The following CHD6 variants were observed in gnomAD, a reference collection of about 807,000 sequenced individuals.
CHD6 encodes the protein chromodomain helicase DNA binding protein 6.
A neutral mutation model predicts 276.9 loss-of-function variants in CHD6; 50 were observed. That is an observed-to-expected ratio of 0.18 (90% CI 0.14 to 0.23). The LOEUF (loss-of-function observed/expected upper bound fraction) is 0.23, where lower values mean the gene tolerates loss of function less well. Among genes scored for constraint, CHD6 ranks in the 10% least tolerant of loss-of-function variants. CHD6 has a pLI of 1.00. For missense variants in CHD6, 2,564 were observed against 3,365.8 expected (o/e 0.76, Z 5.89); for synonymous variants, 1,173 against 1,229.3 (o/e 0.95, Z 0.96).
At chr20:41,485,395 A>C (rs2043388863) in intron 14 of CHD6, among the ~76,000 whole-genome samples, 1 of 152,206 alleles carries the variant, frequency 6.6e-6, no homozygotes, top group African/African-American at 2.4e-5. Context: ...AAAACAAAAT[A>C]AGGGAAGATG....
intron 17 of CHD6, among the ~76,000 whole-genome samples, chr20:41,467,783 G>A (rs1320274622): frequency 6.7e-6 from 1 of 149,976 alleles, no homozygotes; most frequent in Non-Finnish European, 1.5e-5. Context: ...TGGGAAAGGG[G>A]TGCTTTTGGG....
chr20:41,551,887 AAAC>A (rs1443426165), intron 1 of CHD6, among the ~76,000 whole-genome samples: 1 of 152,220 alleles, frequency 6.6e-6, no homozygotes, highest in Non-Finnish European at 1.5e-5. Context: ...TTACTTGAAA[AAAC>A]AATTCCATTG....
intron 1 of CHD6, among the ~76,000 whole-genome samples, chr20:41,589,970 C>T (rs1334728004): frequency 6.8e-6 from 1 of 147,388 alleles, no homozygotes; most frequent in Non-Finnish European, 1.5e-5. Flanking sequence ...AACTATACTA[C>T]AAGGCTACAG....
intron 1 of CHD6, among the ~76,000 whole-genome samples, chr20:41,601,857 G>A (rs956287518): frequency 2.4e-4 from 36 of 152,132 alleles, no homozygotes; most frequent in African/African-American, 6.5e-4. Context: ...GCTCTGGGAC[G>A]GGACAGGGAT....
chr20:41,461,778 T>C (rs1038027426), intron 17 of CHD6: 3 of 152,418 alleles, frequency 2.0e-5, no homozygotes, highest in African/African-American at 7.2e-5. Context: ...TCAACAATCC[T>C]GGTCACTTCC....
chr20:41,576,543 G>A (rs989315777), intron 1 of CHD6, among the ~76,000 whole-genome samples: 3 of 152,134 alleles, frequency 2.0e-5, no homozygotes, highest in African/African-American at 7.2e-5. Flanking sequence ...AAATTAGCTG[G>A]GCGTGGTGGC....
At chr20:41,494,079 A>G (rs1211242044) in intron 8 of CHD6, 135 bp from the exon 9 acceptor site, 16 of 618,008 alleles carry the variant, frequency 2.6e-5, no homozygotes, top group Non-Finnish European at 3.7e-5. Context: ...GCTTAAGAAT[A>G]AAAGTCACGG....
chr20:41,461,233 C>T (rs1365371899), intron 17 of CHD6, among the ~76,000 whole-genome samples: 1 of 152,144 alleles, frequency 6.6e-6, no homozygotes, highest in African/African-American at 2.4e-5. Flanking sequence ...TCAGATGAGA[C>T]TTTGGACTGT....
intron 1 of CHD6, chr20:41,614,794 C>T (rs2045920255): frequency 6.6e-6 from 1 of 152,100 alleles, no homozygotes; most frequent in African/African-American, 2.4e-5. Context: ...AACATTTTGG[C>T]AAAGGAAAAA....
chr20:41,423,668 C>T lies in CHD6; in HGVS notation c.4379G>A (p.Arg1460Lys). The T allele has an allele frequency of 1.9e-6, 3 of 1,614,150 alleles. No homozygotes were observed. Among genetic ancestry groups the T allele is most frequent in the Non-Finnish European group, 2.5e-6 (3 of 1,180,014 alleles). The stretch of plus-strand genomic sequence containing the variant: ...AACAACACCAAAGGAAGACACTGTT[C>T]TATAGAAGTCTGCTTGTTCTCTCCT... ...WTRREQADFY[R>K]TVSSFGVVYD... The change falls in exon 30 of 37, where the codon AGA becomes AAA. Residue 1460 changes from arginine to lysine, a missense_variant. Coordinates refer to ENST00000373233, the MANE Select transcript of CHD6 (RefSeq NM_032221.5).
chr20:41,493,287 G>T (rs1402065123), intron 10 of CHD6, among the ~76,000 whole-genome samples: 1 of 152,046 alleles, frequency 6.6e-6, no homozygotes, highest in Non-Finnish European at 1.5e-5. Context: ...CGCACACCAA[G>T]AAATCTAAGC....
At chr20:41,512,089 T>G (rs542118169) in intron 5 of CHD6, among the ~76,000 whole-genome samples, 221 of 152,076 alleles carry the variant, frequency 1.5e-3, no homozygotes, top group Non-Finnish European at 2.8e-3. Flanking sequence ...TGCCTCAATC[T>G]CCCAAGTAGC....
chr20:41,420,465 G>A (rs1212685044), intron 31 of CHD6, 43 bp downstream of exon 31: 6 of 1,555,502 alleles, frequency 3.9e-6, no homozygotes, highest in South Asian at 3.7e-5. Flanking sequence ...CGTCGTGTGT[G>A]AACTAGTTTA....
intron 3 of CHD6, among the ~76,000 whole-genome samples, chr20:41,530,853 G>C (rs1315350903): frequency 6.6e-6 from 1 of 152,116 alleles, no homozygotes; most frequent in Non-Finnish European, 1.5e-5. Flanking sequence ...GGTGTCTCTT[G>C]GACTTCTAAA....
chr20:41,407,850 C>T (rs2046725354), intron 36 of CHD6, among the ~76,000 whole-genome samples: 2 of 152,174 alleles, frequency 1.3e-5, no homozygotes, highest in Admixed American at 1.3e-4. Context: ...GAAGGAAGCA[C>T]TGATCACGTG....
Position 41,420,824 on chromosome 20 carries a change from C to T in CHD6, c.5811G>A (p.Gln1937=), listed in dbSNP as rs1432076535. 1 of 1,614,226 alleles carries T rather than the reference C, an allele frequency of 6.2e-7. No homozygotes were observed. Among genetic ancestry groups the T allele is most frequent in the Non-Finnish European group, 8.5e-7 (1 of 1,180,046 alleles). Residue 1937 remains glutamine (Q), a synonymous_variant, in exon 31 of 37, where the codon CAG becomes CAA. Transcript: ENST00000373233. ...ACCTCTCCATGTGTTTGCAGTGGCACTGACAGGCTGCTGGAGCGGGGAAAG... is the reference window on the plus strand; with the variant it reads ...ACCTCTCCATGTGTTTGCAGTGGCATTGACAGGCTGCTGGAGCGGGGAAAG... ...QRAFPAPAAC[Q]CHCKHMERWM...
In CHD6 at chr20:41,580,764, T is replaced by TG. The variant is rs541474803; in HGVS notation, c.-23-29405_-23-29404insC. Among the ~76,000 whole-genome samples, 46 of 151,862 alleles carry TG rather than the reference T, an allele frequency of 3.0e-4. 1 individual carries two copies. In the East Asian group the frequency reaches 5.4e-3, roughly 18 times the overall value. On this transcript the variant is annotated intron_variant, in intron 1 of 36. Transcript: ENST00000373233. ...CAATAAATGATGTCTTACCTTTAGG[T>TG]AAGAATGAATATAGTTTTAACATAC...
chr20:41,488,571 C>T lies in CHD6; in HGVS notation c.1714G>A (p.Val572Ile), dbSNP rs1259905601. The change falls in exon 13 of 37, where the codon GTC becomes ATC. Residue 572 changes from valine (V) to isoleucine (I), a missense_variant. Coordinates refer to ENST00000373233, the MANE Select transcript of CHD6 (RefSeq NM_032221.5). Reference sequence around the variant, plus strand: ...ATCATTTCAAATGTTGTGATGACGACGTGGAACTTGAAGACTCCTGAAAGG... The same window carrying T: ...ATCATTTCAAATGTTGTGATGACGATGTGGAACTTGAAGACTCCTGAAAGG... ...NPLSGVFKFHVVITTFEMILA... is the reference protein window; with the variant it reads ...NPLSGVFKFHIVITTFEMILA... 5.0e-6 allele frequency: 8 copies of T among 1,613,568 alleles called. No individual in the cohort carries two copies. The highest frequency in any genetic ancestry group is 1.3e-5 in the African/African-American group (1 of 74,882).
intron 5 of CHD6, among the ~76,000 whole-genome samples, chr20:41,506,713 T>C (rs2043984676): frequency 6.6e-6 from 1 of 152,200 alleles, no homozygotes. Flanking sequence ...TGACCTCCCA[T>C]GCCGTGTAGG....
Sources: gnomAD v4.1 joint callset for allele counts (sites outside exome capture counted in the v4.1 genomes callset) on GRCh38, gnomAD v4.1.1 for gene constraint, MANE v1.5 for transcripts, NCBI Gene and HGNC (gene_info 2026-07-23, HGNC 2026-07-21) for gene names.